Variants in OPCML observed in about 807,000 individuals in gnomAD.
OPCML encodes opioid binding protein/cell adhesion molecule like.
OPCML carries 13 observed loss-of-function variants against 37.8 expected under a neutral mutation model. That is an observed-to-expected ratio of 0.34 (90% CI 0.22 to 0.55). OPCML has a LOEUF of 0.55. Among genes scored for constraint, OPCML ranks in the 20% least tolerant of loss-of-function variants. The pLI is 0.91. For missense variants in OPCML, 341 were observed against 435.6 expected, an observed-to-expected ratio of 0.78 and a Z score of 1.93; for synonymous variants, 176 against 168.8, an observed-to-expected ratio of 1.04 and a Z score of -0.33.
chr11:132,726,154 C>A (rs970830412), intron 2 of OPCML, among the ~76,000 whole-genome samples: 3 of 152,178 alleles, frequency 2.0e-5, no homozygotes, highest in Admixed American at 2.0e-4. Context: ...CAGCGCCCCA[C>A]TCTACTGTTT....
At chr11:133,109,339 T>C (rs1429496343) in intron 1 of OPCML, among the ~76,000 whole-genome samples, 2 of 152,168 alleles carry the variant, frequency 1.3e-5, no homozygotes, top group East Asian at 3.9e-4. Context: ...CTGAGTGGGT[T>C]ACCGCTGCTG....
chr11:133,191,051 A>G (rs1487139074), intron 1 of OPCML, among the ~76,000 whole-genome samples: 2 of 152,224 alleles, frequency 1.3e-5, no homozygotes, highest in East Asian at 3.9e-4. Flanking sequence ...CAAACTTTTG[A>G]GGAACTGACA....
chr11:133,484,501 G>A (rs1293538669), intron 1 of OPCML, among the ~76,000 whole-genome samples: 3 of 152,092 alleles, frequency 2.0e-5, no homozygotes, highest in Non-Finnish European at 2.9e-5. Context: ...GTAGGTAGTG[G>A]ATATGTTGCC....
At chr11:132,706,095 C>T (rs1354384083) in intron 2 of OPCML, among the ~76,000 whole-genome samples, 1 of 152,106 alleles carries the variant, frequency 6.6e-6, no homozygotes, top group Non-Finnish European at 1.5e-5. Context: ...CATGAGCTAC[C>T]GTGACCAGCC....
chr11:133,140,832 C>CGACGAAGAAGACGACGACGAA (rs1555102446), intron 1 of OPCML, among the ~76,000 whole-genome samples: 2 of 86,714 alleles, frequency 2.3e-5, no homozygotes, highest in African/African-American at 1.4e-4. Context: ...AAGACGACGA[C>CGACGAAGAAGACGACGACGAA]GAAGAAGACG....
intron 1 of OPCML, among the ~76,000 whole-genome samples, chr11:133,373,852 A>G (rs1944740144): frequency 1.3e-5 from 2 of 152,184 alleles, no homozygotes; most frequent in Non-Finnish European, 2.9e-5. Flanking sequence ...GTTTTTAAAA[A>G]GCTTCATAGT....
rs1473143199 is a variant in OPCML at position 132,975,564 on chromosome 11, A to G, written c.62-32554T>C. ...AAAAAAAAAAAAAAAAAAAAAAAAA[A>G]AAAAAAAAAAAAAAAAAAACAAGCA... On this transcript the variant is annotated intron_variant, in intron 1 of 7. Coordinates refer to ENST00000524381, the MANE Select transcript of OPCML (RefSeq NM_001012393.5). Among the ~76,000 whole-genome samples the G allele has an allele frequency of 2.1e-4, 19 of 90,354 alleles. No homozygotes were observed. In the East Asian group the frequency reaches 8.1e-3, roughly 38 times the overall value. The allele number at this position is 90,354 out of a possible 152,430, so 59.3% of individuals were successfully genotyped here.
intron 2 of OPCML, among the ~76,000 whole-genome samples, chr11:132,696,451 AT>A (rs983613906): frequency 2.6e-4 from 40 of 152,188 alleles, no homozygotes; most frequent in Non-Finnish European, 2.4e-4. Flanking sequence ...AGGAGAAAGT[AT>A]TTTTTAAGCA....
intron 2 of OPCML, among the ~76,000 whole-genome samples, chr11:132,735,876 T>A (rs1945239282): frequency 6.6e-6 from 1 of 152,016 alleles, no homozygotes; most frequent in Non-Finnish European, 1.5e-5. Context: ...TGCCCAAACA[T>A]CTACATCCAA....
At chr11:133,430,756 A>G (rs1946099604) in intron 1 of OPCML, among the ~76,000 whole-genome samples, 1 of 152,248 alleles carries the variant, frequency 6.6e-6, no homozygotes, top group South Asian at 2.1e-4. Context: ...AAACATTCAA[A>G]CACATTTGTA....
intron 1 of OPCML, among the ~76,000 whole-genome samples, chr11:133,086,335 A>T (rs1948818295): frequency 6.6e-6 from 1 of 152,042 alleles, no homozygotes; most frequent in South Asian, 2.1e-4. Flanking sequence ...TTTTTTTTCA[A>T]CTTTGCAAGG....
At chr11:133,049,524 A>T (rs1188465736) in intron 1 of OPCML, among the ~76,000 whole-genome samples, 1 of 152,214 alleles carries the variant, frequency 6.6e-6, no homozygotes, top group African/African-American at 2.4e-5. Context: ...TACCCATCAC[A>T]TCTATTTGAA....
chr11:132,808,447 A>C (rs1178543198), intron 2 of OPCML, among the ~76,000 whole-genome samples: 1 of 152,210 alleles, frequency 6.6e-6, no homozygotes, highest in Admixed American at 6.5e-5. Flanking sequence ...TACATCTAAA[A>C]TGTTAAAAGC....
intron 4 of OPCML, among the ~76,000 whole-genome samples, chr11:132,518,070 ATTTTC>A (rs1466317970): frequency 1.3e-5 from 2 of 152,048 alleles, no homozygotes; most frequent in Non-Finnish European, 2.9e-5. Flanking sequence ...TTAAAAAATT[ATTTTC>A]TTTACTTTAA....
At chr11:132,693,847 C>T (rs1446622498) in intron 2 of OPCML, among the ~76,000 whole-genome samples, 4 of 152,110 alleles carry the variant, frequency 2.6e-5, no homozygotes, top group South Asian at 4.1e-4. Flanking sequence ...AGGGCCACCA[C>T]GGAGAGGTCC....
chr11:132,824,009 C>T (rs915826685), intron 2 of OPCML, among the ~76,000 whole-genome samples: 7 of 152,156 alleles, frequency 4.6e-5, no homozygotes, highest in Non-Finnish European at 7.3e-5. Context: ...GCTGGAGTGC[C>T]GTAGGGTTCA....
At chr11:133,119,999 T>C (rs1316058414) in intron 1 of OPCML, among the ~76,000 whole-genome samples, 4 of 152,122 alleles carry the variant, frequency 2.6e-5, no homozygotes, top group African/African-American at 9.7e-5. Flanking sequence ...GGTCCATCTT[T>C]TTATGCCTGT....
At chr11:132,663,353 G>T (rs1271936986) in intron 2 of OPCML, among the ~76,000 whole-genome samples, 2 of 152,196 alleles carry the variant, frequency 1.3e-5, no homozygotes, top group African/African-American at 2.4e-5. Context: ...GGACATATAT[G>T]TGTCTTTCTG....
intron 1 of OPCML, among the ~76,000 whole-genome samples, chr11:133,085,924 A>G (rs568399): frequency 0.46 from 70,663 of 152,054 alleles, 18,864 homozygotes; most frequent in Non-Finnish European, 0.59. Flanking sequence ...TGAATTGTTT[A>G]ATTAACCTGT....
Sources: allele counts gnomAD v4.1 joint callset (sites outside exome capture counted in the v4.1 genomes callset), GRCh38; gene constraint gnomAD v4.1.1; transcripts MANE v1.5; gene names NCBI Gene and HGNC (gene_info 2026-07-23, HGNC 2026-07-21).